Variants in NIPAL2 observed in about 807,000 individuals in gnomAD.
The protein encoded by NIPAL2 is NIPA like domain containing 2.
A neutral mutation model predicts 48.9 loss-of-function variants in NIPAL2; 43 were observed. The ratio of observed to expected loss-of-function variants is 0.88; its 90% CI spans 0.69 to 1.13. NIPAL2 has a LOEUF of 1.13. NIPAL2 is among the 50% of genes most tolerant of loss of function. NIPAL2 has a pLI of 0.00. For synonymous variants in NIPAL2, 167 were observed against 174.6 expected (o/e 0.96, Z 0.34); for missense variants, 446 against 461.4 (o/e 0.97, Z 0.31).
chr8:98,282,641 C>T (rs1324850339), intron 1 of NIPAL2, among the ~76,000 whole-genome samples: 1 of 152,134 alleles, frequency 6.6e-6, no homozygotes, highest in African/African-American at 2.4e-5. Context: ...CCACTGCATC[C>T]AGCCTGGGCA....
chr8:98,206,569 G>C (rs557861549), intron 6 of NIPAL2, among the ~76,000 whole-genome samples: 53 of 152,116 alleles, frequency 3.5e-4, no homozygotes, highest in South Asian at 3.1e-3. Context: ...GGCGGATCAT[G>C]AGGTCAGGAG....
Position 98,259,138 on chromosome 8 carries a change from G to A in NIPAL2, c.136-5051C>T, listed in dbSNP as rs375265184. Among the ~76,000 whole-genome samples the A allele has an allele frequency of 9.6e-4, 122 of 127,476 alleles. 1 individual carries two copies. The South Asian group carries it at 0.028, about 29-fold the overall frequency. The allele number at this position is 127,476 out of a possible 152,430, so 83.6% of individuals were successfully genotyped here. A position where few individuals can be genotyped will look rare whatever the true frequency, so the allele number is the denominator to read the frequency against. On this transcript the variant is annotated intron_variant, in intron 1 of 10. Transcript: ENST00000430223. ...GTCGCCCAGGCTGGAGTGCAGTGGC[G>A]CGATCTCGACTCACTGCAAGCTCCG...
intron 1 of NIPAL2, among the ~76,000 whole-genome samples, chr8:98,261,143 G>A (rs368974015): frequency 1.3e-5 from 2 of 150,532 alleles, no homozygotes; most frequent in East Asian, 1.9e-4. Context: ...ACCATCATCA[G>A]AGACCAAAAG....
chr8:98,224,584 T>C (rs1434534522), intron 4 of NIPAL2, among the ~76,000 whole-genome samples: 2 of 152,120 alleles, frequency 1.3e-5, no homozygotes, highest in Non-Finnish European at 1.5e-5. Flanking sequence ...TTGCCTTCCA[T>C]GACTGTCCCT....
At chr8:98,208,511 C>T (rs1042253926) in intron 6 of NIPAL2, among the ~76,000 whole-genome samples, 3 of 151,882 alleles carry the variant, frequency 2.0e-5, no homozygotes, top group Non-Finnish European at 4.4e-5. Context: ...TGCAATGGTG[C>T]GATCTTGGCT....
At chr8:98,239,702 G>A (rs1281224972) in intron 3 of NIPAL2, among the ~76,000 whole-genome samples, 1 of 151,636 alleles carries the variant, frequency 6.6e-6, no homozygotes, top group East Asian at 1.9e-4. Context: ...AAATTTTTAG[G>A]TAATAGAACA....
intron 4 of NIPAL2, among the ~76,000 whole-genome samples, chr8:98,233,636 A>G (rs149422103): frequency 0.011 from 1,658 of 152,332 alleles, 18 homozygotes; most frequent in Middle Eastern, 0.034. Flanking sequence ...AGTTTAATTT[A>G]GATCCTTTAA....
At chr8:98,257,425 A>AT (rs1813966586) in intron 1 of NIPAL2, among the ~76,000 whole-genome samples, 1 of 151,100 alleles carries the variant, frequency 6.6e-6, no homozygotes, top group African/African-American at 2.5e-5. Flanking sequence ...TCAGCGGCTA[A>AT]TTTTTGTATT....
chr8:98,273,108 G>T (rs1373418177), intron 1 of NIPAL2, among the ~76,000 whole-genome samples: 1 of 152,128 alleles, frequency 6.6e-6, no homozygotes. Flanking sequence ...AAGTGGAAAT[G>T]ACCAAATGTC....
At chr8:98,223,389 T>C (rs2130758030) in intron 4 of NIPAL2, among the ~76,000 whole-genome samples, 1 of 152,252 alleles carries the variant, frequency 6.6e-6, no homozygotes, top group Middle Eastern at 3.4e-3. Context: ...AAGGGAGGAC[T>C]TGCCCTTCCA....
intron 4 of NIPAL2, among the ~76,000 whole-genome samples, chr8:98,229,423 A>G (rs1812330896): frequency 6.6e-6 from 1 of 152,214 alleles, no homozygotes; most frequent in African/African-American, 2.4e-5. Context: ...CCCATGCTGG[A>G]GTACAGTGAT....
rs373300576 is a variant in NIPAL2 at position 98,290,973 on chromosome 8, C to T, written c.135+3030G>A. On this transcript the variant is annotated intron_variant, in intron 1 of 10. Coordinates refer to ENST00000430223, the MANE Select transcript of NIPAL2 (RefSeq NM_001321635.2). ...GGCAATGTATTGAAGACTTTGAAGCCTCTCTGCTGGTCAAACAAGATGTAT... is the reference window on the plus strand; with the variant it reads ...GGCAATGTATTGAAGACTTTGAAGCTTCTCTGCTGGTCAAACAAGATGTAT... 2.5e-4 allele frequency among the ~76,000 whole-genome samples: 38 copies of T among 152,258 alleles called. No homozygotes were observed. The South Asian group carries it at 7.9e-3, about 32-fold the overall frequency.
At chr8:98,285,625 C>T (rs932460243) in intron 1 of NIPAL2, among the ~76,000 whole-genome samples, 114 of 152,246 alleles carry the variant, frequency 7.5e-4, no homozygotes, top group African/African-American at 2.6e-3. Context: ...TTTAAAGCCC[C>T]CCTGGATGGA....
chr8:98,223,303 G>A (rs1225088089), intron 4 of NIPAL2, among the ~76,000 whole-genome samples: 3 of 152,118 alleles, frequency 2.0e-5, no homozygotes, highest in Non-Finnish European at 2.9e-5. Context: ...TACTGCCATC[G>A]GTTTAGCATT....
At chr8:98,219,985 A>G (rs1290625881) in intron 5 of NIPAL2, among the ~76,000 whole-genome samples, 1 of 152,162 alleles carries the variant, frequency 6.6e-6, no homozygotes, top group East Asian at 1.9e-4. Context: ...CATTCTTGGT[A>G]TAAATGGCAG....
intron 3 of NIPAL2, 58 bp from the exon 4 acceptor site, chr8:98,236,272 G>A (rs1812710704): frequency 1.7e-5 from 21 of 1,217,324 alleles, no homozygotes; most frequent in Non-Finnish European, 2.4e-5. Context: ...ATTACGCAAT[G>A]CCATTTGAAA....
intron 4 of NIPAL2, among the ~76,000 whole-genome samples, chr8:98,230,999 C>T (rs563691437): frequency 6.6e-6 from 1 of 152,168 alleles, no homozygotes; most frequent in East Asian, 1.9e-4. Context: ...ATTCAGCTAA[C>T]CTGACTGCAA....
At chr8:98,286,654 C>A (rs1414595904) in intron 1 of NIPAL2, among the ~76,000 whole-genome samples, 3 of 151,732 alleles carry the variant, frequency 2.0e-5, no homozygotes, top group East Asian at 1.9e-4. Context: ...ACTAAAAATA[C>A]AAAAATTATC....
At chr8:98,199,064 C>A (rs781113655) in intron 8 of NIPAL2, among the ~76,000 whole-genome samples, 3 of 151,138 alleles carry the variant, frequency 2.0e-5, no homozygotes, top group Non-Finnish European at 4.4e-5. Flanking sequence ...TCAAGCAATT[C>A]TCCTGCCTCA....
Sources: allele counts gnomAD v4.1 joint callset (sites outside exome capture counted in the v4.1 genomes callset), GRCh38; gene constraint gnomAD v4.1.1; transcripts MANE v1.5; gene names NCBI Gene and HGNC (gene_info 2026-07-23, HGNC 2026-07-21).